The following PLD1 variants were observed in gnomAD, a reference collection of about 807,000 sequenced individuals.
The protein encoded by PLD1 is choline phosphatase 1.
A neutral mutation model predicts 137.1 loss-of-function variants in PLD1; 112 were observed. That is an observed-to-expected ratio of 0.82 (90% CI 0.70 to 0.96). PLD1 has a LOEUF of 0.96. Ranked by LOEUF, PLD1 falls within the 40% of genes least tolerant of loss-of-function variation. The probability of loss-of-function intolerance (pLI) is 0.00; values close to 1 mark genes in which losing one functional copy is unlikely to be tolerated. For synonymous variants in PLD1, 431 were observed against 454.7 expected (o/e 0.95, Z 0.66); for missense variants, 1,321 against 1,342.0 (o/e 0.98, Z 0.24).
At chr3:171,638,420 T>C (rs1470106670) in intron 23 of PLD1, among the ~76,000 whole-genome samples, 1 of 152,190 alleles carries the variant, frequency 6.6e-6, no homozygotes, top group Non-Finnish European at 1.5e-5. Context: ...TAGGAATTTT[T>C]CAGCTCCATT....
chr3:171,749,792 G>C lies in PLD1; in HGVS notation c.-31-11710C>G, dbSNP rs567363201. Among the ~76,000 whole-genome samples, 7 of 152,290 alleles carry C rather than the reference G, an allele frequency of 4.6e-5. No homozygotes were observed. The East Asian group carries it at 1.2e-3, about 25-fold the overall frequency. On this transcript the variant is annotated intron_variant, in intron 1 of 26. Coordinates refer to ENST00000351298, the MANE Select transcript of PLD1 (RefSeq NM_002662.5). ...ATCCTAGAAAGGAGAGAGCCACAGA[G>C]AGGGAGACAGCCCCAAATTTTGCAT...
At position 171,713,989 on chromosome 3, in the gene PLD1, A is replaced by G. The variant is rs1227492747; in HGVS notation, c.815T>C (p.Ile272Thr). 6.2e-6 allele frequency: 10 copies of G among 1,609,438 alleles called. No individual in the cohort carries two copies. Among genetic ancestry groups the G allele is most frequent in the Non-Finnish European group, 6.0e-6 (7 of 1,175,792 alleles). ...LLYMKPDSGA[I>T]AFVLLVDKEF... ...TTTGTCTACCAGCAGGACGAAGGCA[A>G]TGGCACCGCTGTCTGGTTTCATATA... Residue 272 changes from isoleucine to threonine, a missense_variant, in exon 9 of 27, where the codon ATT (isoleucine) becomes ACT (threonine). Ile to Thr is a moderately conservative substitution (Grantham distance 89). Transcript: ENST00000351298.
Position 171,662,132 on chromosome 3 carries a change from C to T in PLD1, c.2268G>A (p.Lys756=), listed in dbSNP as rs756356066. Residue 756 remains lysine (K), a synonymous_variant, in exon 20 of 27, where the codon AAG becomes AAA. Coordinates refer to ENST00000351298, the MANE Select transcript of PLD1 (RefSeq NM_002662.5). ...CGGCGTGGATGGACTCTTCATGGTACTTTATACCAGCAGACCAATCAGCAG... is the reference window on the plus strand; with the variant it reads ...CGGCGTGGATGGACTCTTCATGGTATTTTATACCAGCAGACCAATCAGCAG... The part of the protein sequence containing the change: ...RSAADWSAGI[K]YHEESIHAAY... The T allele has an allele frequency of 3.1e-6, 5 of 1,613,548 alleles. No individual in the cohort carries two copies. The highest frequency in any genetic ancestry group is 1.1e-5 in the South Asian group (1 of 91,060).
chr3:171,628,108 C>T (rs548631237), intron 23 of PLD1, among the ~76,000 whole-genome samples: 13 of 151,610 alleles, frequency 8.6e-5, no homozygotes, highest in Non-Finnish European at 1.3e-4. Context: ...ATTGATAGAC[C>T]GCTAGCAAGA....
rs919812002 is a variant in PLD1, at chr3:171,603,284, T to G, written c.3019A>C (p.Asn1007His). 1 of 1,613,866 alleles carries G rather than the reference T, an allele frequency of 6.2e-7. No individual in the cohort carries two copies. Among genetic ancestry groups the G allele is most frequent in the Non-Finnish European group, 8.5e-7 (1 of 1,179,808 alleles). The change falls in exon 27 of 27, where the codon AAT becomes CAT. Residue 1007 changes from asparagine (N) to histidine (H), a missense_variant. Physicochemically the swap from Asn to His is moderately conservative, Grantham distance 68. Coordinates refer to ENST00000351298, the MANE Select transcript of PLD1 (RefSeq NM_002662.5). The stretch of plus-strand genomic sequence containing the variant: ...TGAATTAAATTGTGTACTTCATCAT[T>G]GGGAAGGCACCGGAAAACCTGATTA... ...IYDKVFRCLPNDEVHNLIQLR... is the reference protein window; with the variant it reads ...IYDKVFRCLPHDEVHNLIQLR...
chr3:171,648,380 G>A (rs566029693), intron 21 of PLD1, among the ~76,000 whole-genome samples: 10 of 152,076 alleles, frequency 6.6e-5, no homozygotes, highest in Non-Finnish European at 2.9e-5. Context: ...TCATCCTGAG[G>A]GCAACTCCTG....
intron 23 of PLD1, among the ~76,000 whole-genome samples, chr3:171,626,646 C>G (rs544088036): frequency 6.6e-6 from 1 of 150,710 alleles, no homozygotes; most frequent in African/African-American, 2.5e-5. Flanking sequence ...AGACTAACAG[C>G]GGATCTCTCA....
At chr3:171,650,506 C>A (rs1256292003) in intron 21 of PLD1, among the ~76,000 whole-genome samples, 1 of 152,004 alleles carries the variant, frequency 6.6e-6, no homozygotes, top group Non-Finnish European at 1.5e-5. Flanking sequence ...AGATCCAGGG[C>A]CCCATAGCAT....
chr3:171,784,757 T>C (rs900104993), intron 1 of PLD1, among the ~76,000 whole-genome samples: 3 of 152,110 alleles, frequency 2.0e-5, no homozygotes, highest in Non-Finnish European at 4.4e-5. Flanking sequence ...CCAAAGCTTT[T>C]TACCTGCCAC....
chr3:171,776,618 G>A (rs1722598504), intron 1 of PLD1, among the ~76,000 whole-genome samples: 1 of 152,246 alleles, frequency 6.6e-6, no homozygotes, highest in East Asian at 1.9e-4. Flanking sequence ...TATTTAATCT[G>A]TGACGTGTGT....
At chr3:171,670,542 G>A (rs1345108563) in intron 19 of PLD1, among the ~76,000 whole-genome samples, 1 of 152,124 alleles carries the variant, frequency 6.6e-6, no homozygotes, top group Admixed American at 6.5e-5. Flanking sequence ...TTTAGGCACT[G>A]AGATGGCAAA....
intron 4 of PLD1, among the ~76,000 whole-genome samples, 182 bp downstream of exon 4, chr3:171,735,310 T>C (rs1009527888): frequency 2.6e-5 from 4 of 152,074 alleles, no homozygotes; most frequent in Admixed American, 6.5e-5. Flanking sequence ...AAATTTTTAA[T>C]TTTTTTATAG....
intron 19 of PLD1, among the ~76,000 whole-genome samples, chr3:171,672,753 G>A (rs1712911085): frequency 2.6e-5 from 4 of 152,058 alleles, no homozygotes; most frequent in Admixed American, 2.6e-4. Context: ...CCAAAGTGCT[G>A]GGATTCCAAG....
At chr3:171,803,326 AGGAGAAATCTCTTT>A (rs1243942867) in intron 1 of PLD1, among the ~76,000 whole-genome samples, 1 of 152,242 alleles carries the variant, frequency 6.6e-6, no homozygotes, top group Admixed American at 6.5e-5. Context: ...AGAAAAGTGC[AGGAGAAATCTCTTT>A]GGTCATAATG....
At chr3:171,643,195 G>A in intron 22 of PLD1, 1 of 259,626 alleles carries the variant, frequency 3.9e-6, no homozygotes, top group Non-Finnish European at 7.2e-6. Context: ...TACAAAACTG[G>A]GTAACAGCAA....
chr3:171,677,432 CAA>C, intron 17 of PLD1, 132 bp downstream of exon 17: 2 of 850,980 alleles, frequency 2.4e-6, no homozygotes, highest in Non-Finnish European at 3.6e-6. Flanking sequence ...ATCTAGTCTC[CAA>C]AGTTTTAAAA....
intron 1 of PLD1, among the ~76,000 whole-genome samples, chr3:171,742,885 A>G (rs1416729364): frequency 6.6e-6 from 1 of 152,230 alleles, no homozygotes; most frequent in Non-Finnish European, 1.5e-5. Context: ...ATTCCAGACT[A>G]TATATTTTGA....
intron 7 of PLD1, 77 bp downstream of exon 7, chr3:171,725,941 C>T: frequency 1.0e-6 from 1 of 969,278 alleles, no homozygotes; most frequent in Non-Finnish European, 1.7e-6. Context: ...GACTCCATCA[C>T]CATGGCATGC....
At chr3:171,775,213 C>T (rs1368216015) in intron 1 of PLD1, among the ~76,000 whole-genome samples, 2 of 152,062 alleles carry the variant, frequency 1.3e-5, no homozygotes, top group African/African-American at 4.8e-5. Flanking sequence ...TTTTCTTAGA[C>T]ATCAAGGATT....
Sources: gnomAD v4.1 joint callset for allele counts (sites outside exome capture counted in the v4.1 genomes callset) on GRCh38, gnomAD v4.1.1 for gene constraint, MANE v1.5 for transcripts, NCBI Gene and HGNC (gene_info 2026-07-23, HGNC 2026-07-21) for gene names.